PCDH11Y: variants seen among roughly 807,000 people sequenced by gnomAD.
PCDH11Y encodes protocadherin 11 Y-linked, also known as protocadherin-11 Y-linked.
For missense variants in PCDH11Y, 12 were observed against 224.8 expected, an observed-to-expected ratio of 0.05 and a Z score of 6.05; for synonymous variants, 9 against 83.6, an observed-to-expected ratio of 0.11 and a Z score of 4.87.
chrY:5,556,398 T>C, intron 3 of PCDH11Y, among the ~76,000 whole-genome samples: 1 of 33,405 alleles, frequency 3.0e-5, no homozygotes, highest in Non-Finnish European at 7.4e-5. Flanking sequence ...ATATGGAGCA[T>C]TTGTTCATGT....
intron 2 of PCDH11Y, among the ~76,000 whole-genome samples, chrY:5,189,587 G>A: frequency 2.9e-5 from 1 of 33,960 alleles, no homozygotes. Context: ...AGTTTAAATG[G>A]TGCCAAACCT....
At chrY:5,235,747 G>A in intron 2 of PCDH11Y, among the ~76,000 whole-genome samples, 3 of 33,366 alleles carry the variant, frequency 9.0e-5, no homozygotes, top group Non-Finnish European at 1.5e-4. Context: ...GCATCTTTAT[G>A]GCAGAACAAT....
chrY:5,534,303 C>T, intron 3 of PCDH11Y, among the ~76,000 whole-genome samples: 1 of 33,198 alleles, frequency 3.0e-5, no homozygotes, highest in African/African-American at 1.2e-4. Flanking sequence ...TTCAGGGGCA[C>T]ATGTTATACA....
chrY:5,408,333 G>C, intron 2 of PCDH11Y, among the ~76,000 whole-genome samples: 1 of 33,939 alleles, frequency 2.9e-5, no homozygotes. Flanking sequence ...GGGAAAATGG[G>C]TGTAGAGAAA....
intron 2 of PCDH11Y, among the ~76,000 whole-genome samples, chrY:5,126,068 G>A: frequency 3.1e-5 from 1 of 32,442 alleles, no homozygotes; most frequent in Non-Finnish European, 7.5e-5. Flanking sequence ...AGCAATTGGG[G>A]TTTGAACTAA....
chrY:5,507,038 T>C lies in PCDH11Y; in HGVS notation c.3328+5783T>C. Among the ~76,000 whole-genome samples the C allele has an allele frequency of 9.1e-5, 3 of 32,787 alleles. No homozygotes were observed. The South Asian group carries it at 2.0e-3, about 22-fold the overall frequency. The allele number at this position is 32,787 out of a possible 37,273, so 88.0% of individuals were successfully genotyped here. A position where few individuals can be genotyped will look rare whatever the true frequency, so the allele number is the denominator to read the frequency against. ...TTTAGTCCGTGATGTGTTATGTAAA[T>C]AGTGTTAGAAAAGTATCTATATATA... On this transcript the variant is annotated intron_variant, in intron 3 of 4. Transcript: ENST00000400457.
intron 2 of PCDH11Y, among the ~76,000 whole-genome samples, chrY:5,190,666 A>G: frequency 4.9e-4 from 16 of 32,964 alleles, no homozygotes; most frequent in African/African-American, 1.9e-3. Context: ...TTGACTGTCT[A>G]AAATTAGGTT....
At chrY:5,404,708 A>G in intron 2 of PCDH11Y, among the ~76,000 whole-genome samples, 3 of 33,465 alleles carry the variant, frequency 9.0e-5, no homozygotes, top group Non-Finnish European at 2.2e-4. Flanking sequence ...CCTAAATAAC[A>G]CATCATGCCA....
intron 2 of PCDH11Y, among the ~76,000 whole-genome samples, chrY:5,212,413 AT>A (rs2052940227): frequency 3.3e-5 from 1 of 30,573 alleles, no homozygotes; most frequent in South Asian, 7.6e-4. Context: ...ATAATGGTCT[AT>A]TAAAAAACTA....
At chrY:5,236,782 G>C in intron 2 of PCDH11Y, among the ~76,000 whole-genome samples, 1 of 29,763 alleles carries the variant, frequency 3.4e-5, no homozygotes, top group African/African-American at 1.3e-4. Context: ...ATGTGCTGCT[G>C]AGGGGCTTAT....
intron 2 of PCDH11Y, among the ~76,000 whole-genome samples, chrY:5,166,836 C>T (rs2052879534): frequency 3.1e-5 from 1 of 31,949 alleles, no homozygotes; most frequent in African/African-American, 1.2e-4. Flanking sequence ...ACGTAAGAAA[C>T]GATGCATGTG....
intron 2 of PCDH11Y, among the ~76,000 whole-genome samples, chrY:5,428,607 T>C: frequency 3.0e-5 from 1 of 33,306 alleles, no homozygotes; most frequent in Non-Finnish European, 7.4e-5. Context: ...AAAATAATGA[T>C]AAAAATTGTA....
At chrY:5,189,590 C>T (rs2052910075) in intron 2 of PCDH11Y, among the ~76,000 whole-genome samples, 3 of 34,008 alleles carry the variant, frequency 8.8e-5, no homozygotes, top group African/African-American at 3.4e-4. Flanking sequence ...TTAAATGGTG[C>T]CAAACCTTAC....
chrY:5,306,162 T>G, intron 2 of PCDH11Y, among the ~76,000 whole-genome samples: 2 of 31,684 alleles, frequency 6.3e-5, no homozygotes, highest in Non-Finnish European at 1.5e-4. Flanking sequence ...GAAGCTTAAT[T>G]GGGAAGATGA....
chrY:5,705,727 T>G, intron 4 of PCDH11Y, among the ~76,000 whole-genome samples: 2 of 29,821 alleles, frequency 6.7e-5, no homozygotes, highest in Non-Finnish European at 1.6e-4. Flanking sequence ...GTAGATATTG[T>G]AGAAATATTA....
At chrY:5,474,652 G>A (rs2053316927) in intron 2 of PCDH11Y, among the ~76,000 whole-genome samples, 1 of 32,605 alleles carries the variant, frequency 3.1e-5, no homozygotes, top group Non-Finnish European at 7.6e-5. Flanking sequence ...CACTATTGCA[G>A]TTCTCTTGAA....
chrY:5,520,641 C>A, intron 3 of PCDH11Y, among the ~76,000 whole-genome samples: 3 of 31,632 alleles, frequency 9.5e-5, no homozygotes, highest in African/African-American at 3.7e-4. Context: ...TGGGTATTTA[C>A]CTGTTATTAA....
intron 4 of PCDH11Y, among the ~76,000 whole-genome samples, chrY:5,612,459 T>A (rs2053488519): frequency 1.5e-4 from 5 of 32,651 alleles, no homozygotes; most frequent in East Asian, 8.1e-4. Flanking sequence ...TTTTTTTTTT[T>A]AAATTGTAAA....
chrY:5,045,624 C>T (rs2052634081), intron 3 of PCDH11Y, among the ~76,000 whole-genome samples: 1 of 32,263 alleles, frequency 3.1e-5, no homozygotes, highest in African/African-American at 1.2e-4. Context: ...ATCTTTGTGG[C>T]GTTCTCTGTA....
Sources: allele counts gnomAD v4.1 joint callset (sites outside exome capture counted in the v4.1 genomes callset), GRCh38; gene constraint gnomAD v4.1.1; transcripts MANE v1.5; gene names NCBI Gene and HGNC (gene_info 2026-07-23, HGNC 2026-07-21).